Variants in MINK1 observed in about 807,000 individuals in gnomAD.
MINK1 encodes the protein misshapen like kinase 1.
In MINK1, 46 loss-of-function variants were observed where a neutral mutation model predicts 178.4. The ratio of observed to expected loss-of-function variants is 0.26; its 90% CI spans 0.20 to 0.33. MINK1 has a LOEUF of 0.33. Ranked by LOEUF, MINK1 falls within the 10% of genes least tolerant of loss-of-function variation. MINK1 has a pLI of 1.00. For synonymous variants in MINK1, 797 were observed against 709.7 expected (o/e 1.12, Z -1.96); for missense variants, 1,366 against 1,814.9 (o/e 0.75, Z 4.49).
chr17:4,886,517 G>A lies in MINK1; in HGVS notation c.840G>A (p.Thr280=), dbSNP rs907644845. The change falls in exon 10 of 32, where the codon ACG becomes ACA. Residue 280 remains threonine, a synonymous_variant. Coordinates refer to ENST00000355280, the MANE Select transcript of MINK1 (RefSeq NM_153827.5). This position sits in a 1 kb window ranked among gnomAD's most constrained non-coding sequence, Gnocchi z 6.1. ...LIKTYLSRPP[T]EQLLKFPFIR... is the part of the protein sequence containing the mutation. The stretch of plus-strand genomic sequence containing the variant: ...AGACTTACCTGAGCCGCCCACCCAC[G>A]GAGCAGCTACTGAAGTTTCCCTTCA... The A allele has an allele frequency of 1.5e-5, 25 of 1,613,566 alleles. No individual in the cohort carries two copies. The highest frequency in any genetic ancestry group is 4.0e-5 in the African/African-American group (3 of 74,898).
chr17:4,841,352 T>C (rs1164959470), intron 1 of MINK1, among the ~76,000 whole-genome samples: 1 of 152,066 alleles, frequency 6.6e-6, no homozygotes, highest in Non-Finnish European at 1.5e-5. Context: ...CACCTGGGGA[T>C]GGGATTTGAA....
At position 4,894,809 on chromosome 17, in the gene MINK1, T is replaced by C; in HGVS notation, c.2917+176T>C. 1.6e-6 allele frequency: 1 copy of C among 638,048 alleles called. No homozygotes were observed. The highest frequency in any genetic ancestry group is 2.7e-6 in the Non-Finnish European group (1 of 368,984). 39.5% of individuals were successfully genotyped at this position (638,048 alleles called of 1,614,324 possible). On this transcript the variant is annotated intron_variant, in intron 24 of 31. Transcript: ENST00000355280. This position sits in a 1 kb window ranked among gnomAD's most constrained non-coding sequence, Gnocchi z 4.1. ...GAGCCTCTGAGACCCCTCCTTCCTG[T>C]CCCACAGGACAGGAAATGCTCAGAG...
In MINK1 at chr17:4,897,555, C is replaced by T; in HGVS notation, c.*268C>T. On this transcript the variant is annotated 3_prime_UTR_variant, in exon 32 of 32. Coordinates refer to ENST00000355280, the MANE Select transcript of MINK1 (RefSeq NM_153827.5). ...TCCCCTTCCCAGGAATTGAGTGGGC[C>T]TAGCCCCTCCCCCCTTTTCTCCATT... 3 of 445,510 alleles carry T rather than the reference C, an allele frequency of 6.7e-6. No homozygotes were observed. The highest frequency in any genetic ancestry group is 1.2e-5 in the Non-Finnish European group (3 of 247,064). 27.6% of individuals were successfully genotyped at this position (445,510 alleles called of 1,614,324 possible).
intron 1 of MINK1, among the ~76,000 whole-genome samples, chr17:4,862,193 A>G (rs951267477): frequency 6.6e-6 from 1 of 152,094 alleles, no homozygotes; most frequent in African/African-American, 2.4e-5. Flanking sequence ...ATAAAGGGAG[A>G]GATGCAGCAG....
At chr17:4,876,904 A>C (rs1967229573) in intron 1 of MINK1, among the ~76,000 whole-genome samples, 1 of 152,020 alleles carries the variant, frequency 6.6e-6, no homozygotes, top group Non-Finnish European at 1.5e-5. Context: ...TCTGGACAAC[A>C]TAGTGACACC....
rs1433544975 is a variant in MINK1, at chr17:4,887,337, A to T, written c.1019+158A>T. Among the ~76,000 whole-genome samples, 2 of 152,138 alleles carry T rather than the reference A, an allele frequency of 1.3e-5. No homozygotes were observed. The highest frequency in any genetic ancestry group is 4.8e-5 in the African/African-American group (2 of 41,434). On this transcript the variant is annotated intron_variant, in intron 11 of 31. Transcript: ENST00000355280. The surrounding 1 kb of genome is among the most constrained non-coding windows in gnomAD (Gnocchi z 7.6). ...TTCTGAGTGCTAAGAAGTGGAACCAATGACTGAGCAAGAGCTGGGGAGAGA... is the reference window on the plus strand; with the variant it reads ...TTCTGAGTGCTAAGAAGTGGAACCATTGACTGAGCAAGAGCTGGGGAGAGA...
At chr17:4,851,295 C>CA (rs1012537547) in intron 1 of MINK1, among the ~76,000 whole-genome samples, 8 of 152,126 alleles carry the variant, frequency 5.3e-5, no homozygotes, top group Admixed American at 5.2e-4. Flanking sequence ...AAAGAACCTC[C>CA]AAGAGGTTAA....
chr17:4,836,098 A>G lies in MINK1; in HGVS notation c.57+2458A>G, dbSNP rs751480323. ...ACCTCAGAGAGCTGTGGCACTGTCAAGCAGCTAGTGTGGTCATCTCTTGTG... is the reference window on the plus strand; with the variant it reads ...ACCTCAGAGAGCTGTGGCACTGTCAGGCAGCTAGTGTGGTCATCTCTTGTG... On this transcript the variant is annotated intron_variant, in intron 1 of 31. Coordinates refer to ENST00000355280, the MANE Select transcript of MINK1 (RefSeq NM_153827.5). The surrounding 1 kb of genome is among the most constrained non-coding windows in gnomAD (Gnocchi z 4.3). 3.9e-5 allele frequency among the ~76,000 whole-genome samples: 6 copies of G among 152,164 alleles called. No individual in the cohort carries two copies. Among genetic ancestry groups the G allele is most frequent in the South Asian group, 2.1e-4 (1 of 4,832 alleles).
intron 12 of MINK1, among the ~76,000 whole-genome samples, chr17:4,889,088 G>A (rs888540386): frequency 6.6e-6 from 1 of 152,106 alleles, no homozygotes; most frequent in Non-Finnish European, 1.5e-5. Flanking sequence ...CAAGTGTAAG[G>A]GTCCCTCAGG....
rs1908837485 is a variant in MINK1, at chr17:4,833,733, C to G, written c.57+93C>G. 3 of 1,092,456 alleles carry G rather than the reference C, an allele frequency of 2.7e-6. No individual in the cohort carries two copies. The South Asian group carries it at 5.3e-5, about 19-fold the overall frequency. The allele number at this position is 1,092,456 out of a possible 1,614,324, so 67.7% of individuals were successfully genotyped here. ...TGCACGCCTCACGTGCTCCCGGGCGCCCCCTCCACCAGCTTGGGTCCCCTT... is the reference window on the plus strand; with the variant it reads ...TGCACGCCTCACGTGCTCCCGGGCGGCCCCTCCACCAGCTTGGGTCCCCTT... On this transcript the variant is annotated intron_variant, in intron 1 of 31. Coordinates refer to ENST00000355280, the MANE Select transcript of MINK1 (RefSeq NM_153827.5). The surrounding 1 kb of genome is among the most constrained non-coding windows in gnomAD (Gnocchi z 4.8).
chr17:4,860,638 G>C (rs926922907), intron 1 of MINK1: 1 of 493,820 alleles, frequency 2.0e-6, no homozygotes, highest in African/African-American at 2.0e-5. Flanking sequence ...TTTGCCCCTA[G>C]TTTTTCCTCC....
intron 1 of MINK1, among the ~76,000 whole-genome samples, chr17:4,868,240 G>T (rs186097352): frequency 5.3e-4 from 80 of 152,288 alleles, no homozygotes; most frequent in Admixed American, 1.2e-3. Context: ...ACCTCCCAAA[G>T]TGCTGGGATT....
chr17:4,886,622 G>A lies in MINK1; in HGVS notation c.945G>A (p.Glu315=), dbSNP rs749469063. The A allele has an allele frequency of 2.5e-6, 4 of 1,589,590 alleles. No individual in the cohort carries two copies. Among genetic ancestry groups the A allele is most frequent in the East Asian group, 2.2e-5 (1 of 44,656 alleles). ...ACCGATCCCGGAAGAAGCGGGGTGA[G>A]AAAGGTCAGTGGGCAGGCTGGAGGG... ...HIDRSRKKRG[E]KEETEYEYSG... Residue 315 remains glutamate, a synonymous_variant, in exon 10 of 32, where the codon GAG becomes GAA. Transcript: ENST00000355280. The surrounding 1 kb of genome is among the most constrained non-coding windows in gnomAD (Gnocchi z 6.1).
In MINK1 at chr17:4,886,258, C is replaced by T; in HGVS notation, c.773+60C>T. 1 of 1,573,890 alleles carries T rather than the reference C, an allele frequency of 6.4e-7. No homozygotes were observed. Among genetic ancestry groups the T allele is most frequent in the South Asian group, 1.1e-5 (1 of 90,236 alleles). On this transcript the variant is annotated intron_variant, in intron 9 of 31. Coordinates refer to ENST00000355280, the MANE Select transcript of MINK1 (RefSeq NM_153827.5). This position sits in a 1 kb window ranked among gnomAD's most constrained non-coding sequence, Gnocchi z 6.1. ...GGTCCCTGGACAAGGCCATCCCCAC[C>T]TTCATGCCCTCTGTGCTCAGGCTTG...
At chr17:4,892,896 G>A (rs1461744493) in intron 19 of MINK1, 83 bp from the exon 20 acceptor site, 2 of 1,418,396 alleles carry the variant, frequency 1.4e-6, no homozygotes, top group Non-Finnish European at 1.9e-6. Flanking sequence ...TGGAACTTGG[G>A]GCTGAGTTCT....
At position 4,896,123 on chromosome 17, in the gene MINK1, C is replaced by G; in HGVS notation, c.3465+20C>G. On this transcript the variant is annotated intron_variant, in intron 28 of 31. Coordinates refer to ENST00000355280, the MANE Select transcript of MINK1 (RefSeq NM_153827.5). This position sits in a 1 kb window ranked among gnomAD's most constrained non-coding sequence, Gnocchi z 4.6. ...TTCAAGGTAATCCCAGCCTCGGTCC[C>G]TAACACCATCTGGAGTCCCAGCGCC... The G allele has an allele frequency of 1.2e-6, 2 of 1,606,336 alleles. No individual in the cohort carries two copies. Among genetic ancestry groups the G allele is most frequent in the Admixed American group, 1.7e-5 (1 of 58,542 alleles).
chr17:4,850,521 C>CA (rs949060013), intron 1 of MINK1, among the ~76,000 whole-genome samples: 21 of 149,446 alleles, frequency 1.4e-4, no homozygotes, highest in African/African-American at 4.4e-4. Context: ...TCCTGCTGGC[C>CA]CCCCCCGCCC....
In MINK1 at chr17:4,892,976, C is replaced by T. The variant is rs76133128; in HGVS notation, c.2312-3C>T. 0.067 allele frequency: 103,684 copies of T among 1,558,916 alleles called. 4,436 individuals carry two copies. Among genetic ancestry groups the T allele is most frequent in the East Asian group, 0.22 (9,274 of 41,266 alleles). On this transcript the variant is annotated splice_region_variant and splice_polypyrimidine_tract_variant and intron_variant, in intron 19 of 31. Transcript: ENST00000355280. ...AGTGACCTTCTTCCACCCTGCCGTC[C>T]AGTCTCCTCCAAACCGGACAGCTCC... is the stretch of plus-strand genomic sequence containing the variant.
intron 20 of MINK1, 39 bp downstream of exon 20, chr17:4,893,106 G>A: frequency 6.5e-7 from 1 of 1,546,908 alleles, no homozygotes; most frequent in Non-Finnish European, 8.8e-7. Flanking sequence ...GCCTCATCCT[G>A]GTTTGGGGCT....
Sources: gnomAD v4.1 joint callset for allele counts (sites outside exome capture counted in the v4.1 genomes callset) on GRCh38, gnomAD v4.1.1 for gene constraint, Gnocchi (gnomAD v3.1) non-coding constraint, MANE v1.5 for transcripts, NCBI Gene and HGNC (gene_info 2026-07-23, HGNC 2026-07-21) for gene names.